Variants in KIAA0586 observed in about 807,000 individuals in gnomAD.
KIAA0586 encodes protein TALPID3.
A neutral mutation model predicts 169.8 loss-of-function variants in KIAA0586; 144 were observed. The ratio of observed to expected loss-of-function variants is 0.85; its 90% CI spans 0.74 to 0.97. KIAA0586 has a LOEUF of 0.97. Among genes scored for constraint, KIAA0586 ranks in the 50% least tolerant of loss-of-function variants. KIAA0586 has a pLI of 0.00. For missense variants in KIAA0586, 1,854 were observed against 1,823.0 expected, an observed-to-expected ratio of 1.02 and a Z score of -0.31; for synonymous variants, 625 against 612.4, an observed-to-expected ratio of 1.02 and a Z score of -0.30.
intron 29 of KIAA0586, among the ~76,000 whole-genome samples, chr14:58,531,437 A>G (rs1378872213): frequency 2.0e-5 from 3 of 152,264 alleles, no homozygotes; most frequent in African/African-American, 4.8e-5. Context: ...ATCTGAAAAA[A>G]GGCTCATCAT....
intron 9 of KIAA0586, among the ~76,000 whole-genome samples, chr14:58,455,948 G>A (rs990852562): frequency 1.3e-5 from 2 of 152,130 alleles, no homozygotes; most frequent in African/African-American, 2.4e-5. Context: ...TCATTGCCTA[G>A]ATTTTTAACA....
chr14:58,508,846 G>A, intron 28 of KIAA0586, 137 bp downstream of exon 28: 1 of 664,558 alleles, frequency 1.5e-6, no homozygotes, highest in Non-Finnish European at 2.5e-6. Flanking sequence ...CCTAACTCAA[G>A]TCTGAATATA....
In KIAA0586 at chr14:58,474,612, A is replaced by G; in HGVS notation, c.2640A>G (p.Glu880=). The G allele has an allele frequency of 2.5e-6, 4 of 1,579,594 alleles. No individual in the cohort carries two copies. Among genetic ancestry groups the G allele is most frequent in the Non-Finnish European group, 3.4e-6 (4 of 1,167,358 alleles). The change falls in exon 19 of 31, where the codon GAA becomes GAG. Residue 880 remains glutamate, a synonymous_variant. Transcript: ENST00000652326. ...FDEIIDVIQE[E]EKCDEIPDSE... is the part of the protein sequence containing the mutation. ...TTTGTTTTTGTTACTACCAGGAAGA[A>G]GAAAAATGTGATGAAATTCCAGACT... is the stretch of plus-strand genomic sequence containing the variant.
At chr14:58,493,541 A>G (rs1215337694) in intron 26 of KIAA0586, among the ~76,000 whole-genome samples, 1 of 152,144 alleles carries the variant, frequency 6.6e-6, no homozygotes, top group Non-Finnish European at 1.5e-5. Context: ...TGAAGACTAT[A>G]TAGGGCCCAA....
chr14:58,433,370 A>C (rs1486638344), intron 4 of KIAA0586: 1 of 152,168 alleles, frequency 6.6e-6, no homozygotes, highest in African/African-American at 2.4e-5. Flanking sequence ...ATCAGCCTTC[A>C]GTTTGTTTTA....
intron 18 of KIAA0586, 129 bp downstream of exon 18, chr14:58,472,408 A>G: frequency 6.7e-6 from 3 of 445,330 alleles, no homozygotes; most frequent in Non-Finnish European, 1.2e-5. Context: ...TGAGTTAAAT[A>G]TACTTTTAAA....
rs1384677677 is a variant in KIAA0586, at chr14:58,465,968, A to T, written c.2193A>T (p.Arg731Ser). The change falls in exon 15 of 31, where the codon AGA (arginine) becomes AGT (serine). Residue 731 changes from arginine to serine, a missense_variant. By Grantham distance (110) the Arg-to-Ser change is moderately radical. Transcript: ENST00000652326. Reference sequence around the variant, plus strand: ...AGCAATATTTGTTCAGCCCAAGTAGAGAAATGCCTACTTTTTCAGGTACAT... The same window carrying T: ...AGCAATATTTGTTCAGCCCAAGTAGTGAAATGCCTACTTTTTCAGGTACAT... ...GDQQYLFSPS[R>S]EMPTFSGTLE... 6.2e-7 allele frequency: 1 copy of T among 1,613,426 alleles called. No homozygotes were observed. The highest frequency in any genetic ancestry group is 1.3e-5 in the African/African-American group (1 of 75,052).
At chr14:58,522,057 A>G in intron 29 of KIAA0586, 1 of 879,260 alleles carries the variant, frequency 1.1e-6, no homozygotes, top group Non-Finnish European at 1.9e-6. Flanking sequence ...CTAAGATCAA[A>G]TTTTTCACCA....
At chr14:58,481,169 G>A (rs999011002) in intron 20 of KIAA0586, among the ~76,000 whole-genome samples, 6 of 152,190 alleles carry the variant, frequency 3.9e-5, no homozygotes, top group African/African-American at 4.8e-5. Context: ...CCCACTAGAC[G>A]TCTACCCACT....
At chr14:58,436,408 A>G (rs981748653) in intron 4 of KIAA0586, among the ~76,000 whole-genome samples, 14 of 152,180 alleles carry the variant, frequency 9.2e-5, no homozygotes, top group African/African-American at 3.4e-4. Flanking sequence ...CTGTCTGAAG[A>G]AGTATGAAAT....
chr14:58,480,015 T>G (rs1311507727), intron 20 of KIAA0586, among the ~76,000 whole-genome samples: 1 of 152,144 alleles, frequency 6.6e-6, no homozygotes, highest in African/African-American at 2.4e-5. Context: ...TTATCTCTAC[T>G]TTTTTTCTTC....
At chr14:58,543,947 A>G (rs1306308876) in intron 30 of KIAA0586, 1 of 455,928 alleles carries the variant, frequency 2.2e-6, no homozygotes, top group Non-Finnish European at 4.4e-6. Flanking sequence ...GGTTTGTCAT[A>G]CAGATTATTT....
At chr14:58,486,127 A>G (rs1404883001) in intron 21 of KIAA0586, among the ~76,000 whole-genome samples, 2 of 152,060 alleles carry the variant, frequency 1.3e-5, no homozygotes, top group Non-Finnish European at 2.9e-5. Flanking sequence ...CATAGTCCAC[A>G]GTGTCTGTTT....
rs188676684 is a variant in KIAA0586 at position 58,492,146 on chromosome 14, G to A, written c.3861G>A (p.Glu1287=). ...SSTLHDAVEM[E]DDPPSEGQVI... is the part of the protein sequence containing the mutation. ...AATTGTCTTTATGTTTCTTTTAGGA[G>A]GATGATCCTCCTAGTGAAGGGCAAG... The change falls in exon 26 of 31, where the codon GAG becomes GAA. Residue 1287 remains glutamate (E), a splice_region_variant and synonymous_variant. Coordinates refer to ENST00000652326, the MANE Select transcript of KIAA0586 (RefSeq NM_001329943.3). 75 of 1,520,522 alleles carry A rather than the reference G, an allele frequency of 4.9e-5. No homozygotes were observed. In the Admixed American group the frequency reaches 1.7e-3, roughly 34 times the overall value. 94.2% of individuals were successfully genotyped at this position (1,520,522 alleles called of 1,614,324 possible). A position where few individuals can be genotyped will look rare whatever the true frequency, so the allele number is the denominator to read the frequency against.
At chr14:58,465,453 A>G (rs1001382851) in intron 14 of KIAA0586, among the ~76,000 whole-genome samples, 2 of 152,158 alleles carry the variant, frequency 1.3e-5, no homozygotes, top group African/African-American at 4.8e-5. Flanking sequence ...TATTATATCT[A>G]TTTTGTCACA....
intron 29 of KIAA0586, among the ~76,000 whole-genome samples, chr14:58,536,326 G>A (rs938526336): frequency 3.3e-5 from 5 of 149,426 alleles, no homozygotes; most frequent in Admixed American, 6.7e-5. Flanking sequence ...AGTTTTCATC[G>A]TGTATTATTT....
chr14:58,439,927 C>G (rs1363480200), intron 4 of KIAA0586: 5 of 570,312 alleles, frequency 8.8e-6, no homozygotes, highest in Non-Finnish European at 1.1e-5. Flanking sequence ...TTCTTTGAGG[C>G]CAAATACCGA....
At chr14:58,503,118 T>G (rs1159726627) in intron 27 of KIAA0586, among the ~76,000 whole-genome samples, 1 of 152,170 alleles carries the variant, frequency 6.6e-6, no homozygotes, top group South Asian at 2.1e-4. Flanking sequence ...AGTGAATTAT[T>G]TGTGGACCCT....
intron 29 of KIAA0586, among the ~76,000 whole-genome samples, chr14:58,536,295 C>A (rs1411959107): frequency 6.6e-6 from 1 of 151,918 alleles, no homozygotes; most frequent in Non-Finnish European, 1.5e-5. Context: ...TCAACCCTGC[C>A]CCCCCTTCGC....
Sources: allele counts gnomAD v4.1 joint callset (sites outside exome capture counted in the v4.1 genomes callset), GRCh38; gene constraint gnomAD v4.1.1; transcripts MANE v1.5; gene names NCBI Gene and HGNC (gene_info 2026-07-23, HGNC 2026-07-21).